Variants in SNAPC3 observed in about 807,000 individuals in gnomAD.
SNAPC3 encodes small nuclear RNA activating complex polypeptide 3.
Under a neutral mutation model 47.7 loss-of-function variants are expected in SNAPC3, and 56 were observed. The observed-to-expected ratio is 1.18, with a 90% CI of 0.95 to 1.47. The LOEUF (loss-of-function observed/expected upper bound fraction) is 1.47, where lower values mean the gene tolerates loss of function less well. Ranked by LOEUF, SNAPC3 falls within the 40% of genes most tolerant of loss-of-function variation. SNAPC3 has a pLI of 0.00. For synonymous variants in SNAPC3, 235 were observed against 189.9 expected (o/e 1.24, Z -1.95); for missense variants, 665 against 511.3 (o/e 1.30, Z -2.90).
rs1287928871 is a variant in SNAPC3 at position 15,423,103 on chromosome 9, AG to A, written c.226del (p.Ala76GlnfsTer25). The A allele has an allele frequency of 3.2e-6, 5 of 1,550,190 alleles. No individual in the cohort carries two copies. Among genetic ancestry groups the A allele is most frequent in the Non-Finnish European group, 4.3e-6 (5 of 1,158,388 alleles). ...EPPASALPGS[Q>X]AADSDREDAA... ...CCGGCATCCGCTCTGCCTGGGAGCC[AG>A]GCAGCTGACTCCGACCGGGAGGATG... On this transcript the variant is annotated frameshift_variant, in exon 1 of 9. Transcript: ENST00000380821. LOFTEE classifies it high-confidence loss of function.
Position 15,444,692 on chromosome 9 carries a change from G to A in SNAPC3, c.568G>A (p.Val190Ile). 1 of 1,581,966 alleles carries A rather than the reference G, an allele frequency of 6.3e-7. No individual in the cohort carries two copies. The highest frequency in any genetic ancestry group is 8.7e-7 in the Non-Finnish European group (1 of 1,152,426). ...LILSVNILYPVIFHKHKEHKP... is the reference protein window; with the variant it reads ...LILSVNILYPIIFHKHKEHKP... ...CCTATCTGTGAATATCTTGTACCCT[G>A]TTATATTTCATAAGGTAAGTAGTAA... Residue 190 changes from valine to isoleucine, a missense_variant, in exon 4 of 9, where the codon GTT becomes ATT. Coordinates refer to ENST00000380821, the MANE Select transcript of SNAPC3 (RefSeq NM_001039697.2).
intron 6 of SNAPC3, among the ~76,000 whole-genome samples, chr9:15,452,026 C>A (rs906430089): frequency 6.6e-6 from 1 of 152,086 alleles, no homozygotes; most frequent in African/African-American, 2.4e-5. Flanking sequence ...TATGGTGGCA[C>A]GATCTCAGCT....
rs75021598 is a variant in SNAPC3 at position 15,432,283 on chromosome 9, A to G, written c.393-1269A>G. Among the ~76,000 whole-genome samples the G allele has an allele frequency of 7.5e-4, 114 of 152,332 alleles. 1 individual carries two copies. In the East Asian group the frequency reaches 0.02, roughly 27 times the overall value. On this transcript the variant is annotated intron_variant, in intron 2 of 8. Transcript: ENST00000380821. ...ATGTATGACAGTAAAATACAGAAAT[A>G]CAGATATTTATACATGTATAGGTTA...
intron 8 of SNAPC3, among the ~76,000 whole-genome samples, chr9:15,458,999 C>G (rs1343620957): frequency 6.6e-6 from 1 of 151,914 alleles, no homozygotes; most frequent in Non-Finnish European, 1.5e-5. Context: ...CTTTTTGATC[C>G]CAAGCATTTC....
In SNAPC3 at chr9:15,444,747, C is replaced by G. The variant is rs773734583; in HGVS notation, c.582+41C>G. ...TTTTGGATTTTATGGATAATAGTAA[C>G]TTTTGTAAAAGTGTTTAATTATTTG... On this transcript the variant is annotated intron_variant, in intron 4 of 8. Transcript: ENST00000380821. The G allele has an allele frequency of 3.6e-5, 39 of 1,070,998 alleles. 1 individual carries two copies. Among genetic ancestry groups the G allele is most frequent in the Non-Finnish European group, 2.6e-5 (18 of 704,148 alleles). The allele number at this position is 1,070,998 out of a possible 1,614,324, so 66.3% of individuals were successfully genotyped here.
intron 2 of SNAPC3, 62 bp downstream of exon 2, chr9:15,424,048 A>G (rs1409927428): frequency 8.0e-6 from 8 of 1,002,648 alleles, no homozygotes; most frequent in Non-Finnish European, 1.2e-5. Context: ...TTATGTTTTG[A>G]AAAGTTGAAA....
chr9:15,447,850 C>T (rs1359891464), intron 5 of SNAPC3, among the ~76,000 whole-genome samples: 1 of 152,200 alleles, frequency 6.6e-6, no homozygotes, highest in Non-Finnish European at 1.5e-5. Flanking sequence ...TTGGTCCTTG[C>T]TGGTGTTTCC....
At position 15,459,727 on chromosome 9, in the gene SNAPC3, C is replaced by A; in HGVS notation, c.1097C>A (p.Thr366Lys). The change falls in exon 9 of 9, where the codon ACG becomes AAG. Residue 366 changes from threonine to lysine, a missense_variant. By Grantham distance (78) the Thr-to-Lys change is moderately conservative. Transcript: ENST00000380821. Reference sequence around the variant, plus strand: ...TTTTTTAAAAACTACAGATGGGTGACGAACAATGACAGTTTTGCACCAGAG... The same window carrying A: ...TTTTTTAAAAACTACAGATGGGTGAAGAACAATGACAGTTTTGCACCAGAG... ...VCKMYTARWV[T>K]NNDSFAPEDP... The A allele has an allele frequency of 1.2e-6, 2 of 1,611,686 alleles. No individual in the cohort carries two copies. Among genetic ancestry groups the A allele is most frequent in the South Asian group, 2.2e-5 (2 of 90,458 alleles).
intron 7 of SNAPC3, among the ~76,000 whole-genome samples, chr9:15,454,581 C>T (rs575709325): frequency 6.6e-6 from 1 of 152,328 alleles, no homozygotes; most frequent in Admixed American, 6.5e-5. Context: ...AACTGGTAGA[C>T]TCCCGGTTGT....
Position 15,446,943 on chromosome 9 carries a change from T to C in SNAPC3, c.583-152T>C, listed in dbSNP as rs113251713. On this transcript the variant is annotated intron_variant, in intron 4 of 8. Transcript: ENST00000380821. ...AATTTTGACCATGAGTTTGGCCCTATAATTATTGGATGTGAAAATACAGAG... is the reference window on the plus strand; with the variant it reads ...AATTTTGACCATGAGTTTGGCCCTACAATTATTGGATGTGAAAATACAGAG... The C allele has an allele frequency of 4.6e-4, 334 of 728,554 alleles. 5 individuals are homozygous for C. The African/African-American group carries it at 4.9e-3, about 11-fold the overall frequency. The allele number at this position is 728,554 out of a possible 1,614,324, so 45.1% of individuals were successfully genotyped here. A position where few individuals can be genotyped will look rare whatever the true frequency, so the allele number is the denominator to read the frequency against.
downstream of SNAPC3, chr9:15,465,592 G>A: frequency 6.4e-7 from 1 of 1,561,732 alleles, no homozygotes; most frequent in Non-Finnish European, 8.8e-7. Flanking sequence ...TGAAGAAAAG[G>A]GGGAAAGGTA....
At chr9:15,437,213 T>C (rs544460091) in intron 3 of SNAPC3, among the ~76,000 whole-genome samples, 1 of 152,230 alleles carries the variant, frequency 6.6e-6, no homozygotes, top group South Asian at 2.1e-4. Context: ...TTTTGAATGC[T>C]ATTGTAAGTG....
chr9:15,425,612 C>A (rs1183599699), intron 2 of SNAPC3, among the ~76,000 whole-genome samples: 1 of 152,198 alleles, frequency 6.6e-6, no homozygotes, highest in Non-Finnish European at 1.5e-5. Flanking sequence ...GCCTTAAACT[C>A]TTAACATTTC....
Position 15,433,587 on chromosome 9 carries a change from C to G in SNAPC3, c.428C>G (p.Thr143Ser). Residue 143 changes from threonine to serine, a missense_variant, in exon 3 of 9, where the codon ACC becomes AGC. Transcript: ENST00000380821. ...RKRFLEHREETITIDRACRQE... is the reference protein window; with the variant it reads ...RKRFLEHREESITIDRACRQE... ...AGGTTCTTGGAACATCGGGAAGAAACCATTACAATAGATCGAGCCTGCAGA... is the reference window on the plus strand; with the variant it reads ...AGGTTCTTGGAACATCGGGAAGAAAGCATTACAATAGATCGAGCCTGCAGA... 6.2e-7 allele frequency: 1 copy of G among 1,608,482 alleles called. No homozygotes were observed. The highest frequency in any genetic ancestry group is 8.5e-7 in the Non-Finnish European group (1 of 1,177,106).
intron 7 of SNAPC3, among the ~76,000 whole-genome samples, chr9:15,455,765 C>G (rs1240288795): frequency 6.6e-6 from 1 of 151,140 alleles, no homozygotes; most frequent in African/African-American, 2.4e-5. Context: ...GTGGCATGAT[C>G]TCAGCTCACC....
chr9:15,462,310 G>C (rs2035276232), downstream of SNAPC3: 1 of 152,092 alleles, frequency 6.6e-6, no homozygotes. Flanking sequence ...TTGTTCCCTG[G>C]TGAAACTGAG....
At chr9:15,445,905 C>T (rs1277976475) in intron 4 of SNAPC3, among the ~76,000 whole-genome samples, 17 of 152,192 alleles carry the variant, frequency 1.1e-4, no homozygotes, top group African/African-American at 4.1e-4. Flanking sequence ...CATGGCACTC[C>T]AGCCTAGGTG....
At chr9:15,463,443 T>C (rs1000765593), downstream of SNAPC3, 19 of 126,360 alleles carry the variant, frequency 1.5e-4, no homozygotes, top group African/African-American at 4.5e-4. Flanking sequence ...TACACACACA[T>C]ACCAGCCCAA....
intron 1 of SNAPC3, among the ~76,000 whole-genome samples, chr9:15,423,589 C>A (rs1249486524): frequency 6.6e-6 from 1 of 152,112 alleles, no homozygotes; most frequent in Non-Finnish European, 1.5e-5. Context: ...GTGTTAAAAC[C>A]CCGACTAACT....
Sources: gnomAD v4.1 joint callset for allele counts (sites outside exome capture counted in the v4.1 genomes callset) on GRCh38, gnomAD v4.1.1 for gene constraint, MANE v1.5 for transcripts, NCBI Gene and HGNC (gene_info 2026-07-23, HGNC 2026-07-21) for gene names.